EPC2: variants seen among roughly 807,000 people sequenced by gnomAD.
The protein encoded by EPC2 is enhancer of polycomb 2, also known as enhancer of polycomb homolog 2.
EPC2 carries 14 observed loss-of-function variants against 92.1 expected under a neutral mutation model. The ratio of observed to expected loss-of-function variants is 0.15; its 90% CI spans 0.10 to 0.24. The LOEUF (loss-of-function observed/expected upper bound fraction) is 0.24, where lower values mean the gene tolerates loss of function less well. EPC2 is among the 10% of genes least tolerant of loss of function. The pLI, the probability that EPC2 is intolerant of heterozygous loss-of-function variation, is 1.00. For missense variants in EPC2, 755 were observed against 971.5 expected (o/e 0.78, Z 2.96); for synonymous variants, 340 against 334.7 (o/e 1.02, Z -0.17).
chr2:148,769,352 T>C, intron 8 of EPC2, 112 bp downstream of exon 8: 2 of 720,114 alleles, frequency 2.8e-6, no homozygotes, highest in Non-Finnish European at 4.8e-6. Flanking sequence ...GTACTTTTTA[T>C]TTAACATCCT....
At chr2:148,772,837 A>C (rs988231897) in intron 10 of EPC2, among the ~76,000 whole-genome samples, 7 of 152,182 alleles carry the variant, frequency 4.6e-5, no homozygotes, top group Non-Finnish European at 1.0e-4. Context: ...TTTTTCAGCC[A>C]GCTCTAAGAC....
At chr2:148,743,544 G>C (rs1008197015) in intron 2 of EPC2, 78 bp from the exon 3 acceptor site, 2 of 1,166,572 alleles carry the variant, frequency 1.7e-6, no homozygotes, top group African/African-American at 3.2e-5. Context: ...TTTAGAGGTA[G>C]TCTGCAGTCA....
chr2:148,704,908 C>G (rs1487802215), intron 2 of EPC2, among the ~76,000 whole-genome samples: 1 of 144,388 alleles, frequency 6.9e-6, no homozygotes, highest in South Asian at 2.2e-4. Flanking sequence ...TTTTCTTTTT[C>G]TTTTTTTTTT....
Position 148,762,820 on chromosome 2 carries a change from A to G in EPC2, c.948+18A>G. ...AAACTAAGGTGAATATTGTCTGGGA[A>G]GAAGCATGTATGGATGGTAATGTTG... On this transcript the variant is annotated intron_variant, in intron 6 of 13. Transcript: ENST00000258484. 6.3e-7 allele frequency: 1 copy of G among 1,593,492 alleles called. No homozygotes were observed. Among genetic ancestry groups the G allele is most frequent in the Non-Finnish European group, 8.5e-7 (1 of 1,172,048 alleles).
rs949804953 is a variant in EPC2, at chr2:148,770,688, T to C, written c.1231-104T>C. On this transcript the variant is annotated intron_variant, in intron 8 of 13. Coordinates refer to ENST00000258484, the MANE Select transcript of EPC2 (RefSeq NM_015630.4). Reference sequence around the variant, plus strand: ...CAGTTTTATATCTAGATTTTAATTGTTCTGCTAATGTTGCAGTTACTTCAT... The same window carrying C: ...CAGTTTTATATCTAGATTTTAATTGCTCTGCTAATGTTGCAGTTACTTCAT... The C allele has an allele frequency of 4.1e-6, 5 of 1,210,418 alleles. No individual in the cohort carries two copies. In the African/African-American group the frequency reaches 7.8e-5, roughly 19 times the overall value. The allele number at this position is 1,210,418 out of a possible 1,614,324, so 75.0% of individuals were successfully genotyped here.
At chr2:148,734,807 T>C (rs911482148) in intron 2 of EPC2, among the ~76,000 whole-genome samples, 5 of 151,706 alleles carry the variant, frequency 3.3e-5, no homozygotes, top group Non-Finnish European at 7.4e-5. Context: ...TGATTTCTTT[T>C]TTTTTTTTTT....
chr2:148,772,777 T>G (rs763501184), intron 10 of EPC2, among the ~76,000 whole-genome samples: 3 of 152,168 alleles, frequency 2.0e-5, no homozygotes, highest in Non-Finnish European at 4.4e-5. Flanking sequence ...GCTGCAGGAT[T>G]ATTAGAAATC....
intron 2 of EPC2, among the ~76,000 whole-genome samples, chr2:148,742,920 TTATA>T (rs1203335404): frequency 6.6e-6 from 1 of 152,172 alleles, no homozygotes; most frequent in Non-Finnish European, 1.5e-5. Context: ...AGCCTTTTAT[TTATA>T]TAGTACATCT....
At chr2:148,775,863 T>C (rs1266969721) in intron 10 of EPC2, among the ~76,000 whole-genome samples, 14 of 145,296 alleles carry the variant, frequency 9.6e-5, no homozygotes, top group South Asian at 2.2e-4. Flanking sequence ...CTGCAAGCTC[T>C]GCCTCCCGGG....
At chr2:148,647,824 G>A (rs1178607437) in intron 1 of EPC2, among the ~76,000 whole-genome samples, 1 of 151,300 alleles carries the variant, frequency 6.6e-6, no homozygotes. Context: ...GTAGAGACGA[G>A]GTTTCACCGT....
At chr2:148,720,888 C>A (rs748591828) in intron 2 of EPC2, among the ~76,000 whole-genome samples, 18 of 152,176 alleles carry the variant, frequency 1.2e-4, no homozygotes, top group Non-Finnish European at 1.9e-4. Context: ...GCTTTCGTTC[C>A]TCTCCATGAG....
chr2:148,671,287 A>ATT (rs60048357), intron 1 of EPC2, among the ~76,000 whole-genome samples: 3,014 of 127,034 alleles, frequency 0.024, 120 homozygotes, highest in African/African-American at 0.079. Flanking sequence ...GTGGATTGTG[A>ATT]TTTTTTTTTT....
chr2:148,726,416 C>T (rs962118699), intron 2 of EPC2, among the ~76,000 whole-genome samples: 1 of 152,146 alleles, frequency 6.6e-6, no homozygotes, highest in African/African-American at 2.4e-5. Context: ...ACAGTAGTTA[C>T]ATTCTTACCA....
At chr2:148,646,839 CG>C (rs1683812608) in intron 1 of EPC2, among the ~76,000 whole-genome samples, 1 of 151,954 alleles carries the variant, frequency 6.6e-6, no homozygotes, top group Non-Finnish European at 1.5e-5. Context: ...AGGCCGGGCA[CG>C]GTGGGTCACG....
At chr2:148,696,967 A>G (rs1356323866) in intron 2 of EPC2, among the ~76,000 whole-genome samples, 3 of 152,242 alleles carry the variant, frequency 2.0e-5, no homozygotes, top group Non-Finnish European at 2.9e-5. Flanking sequence ...GTTATGGGTA[A>G]AAGATAGTAA....
chr2:148,744,333 C>G (rs1289546335), intron 3 of EPC2, among the ~76,000 whole-genome samples: 4 of 151,994 alleles, frequency 2.6e-5, no homozygotes, highest in African/African-American at 9.7e-5. Context: ...ATAATCTCAT[C>G]TTTTGGAATT....
rs533785611 is a variant in EPC2, at chr2:148,720,884, G to A, written c.314-22738G>A. Among the ~76,000 whole-genome samples the A allele has an allele frequency of 5.9e-5, 9 of 152,084 alleles. 1 individual carries two copies. The South Asian group carries it at 1.7e-3, about 28-fold the overall frequency. On this transcript the variant is annotated intron_variant, in intron 2 of 13. Transcript: ENST00000258484. Reference sequence around the variant, plus strand: ...AGTGCAGTATTCACTCGCCGCTTTCGTTCCTCTCCATGAGCGCCACGGACT... The same window carrying A: ...AGTGCAGTATTCACTCGCCGCTTTCATTCCTCTCCATGAGCGCCACGGACT...
intron 2 of EPC2, among the ~76,000 whole-genome samples, chr2:148,726,705 T>G (rs766424483): frequency 2.6e-5 from 4 of 151,748 alleles, no homozygotes; most frequent in Non-Finnish European, 4.4e-5. Flanking sequence ...TTTAGATCCT[T>G]TGCCCATTTA....
At chr2:148,758,426 C>A (rs1323058946) in intron 4 of EPC2, among the ~76,000 whole-genome samples, 1 of 152,066 alleles carries the variant, frequency 6.6e-6, no homozygotes, top group Non-Finnish European at 1.5e-5. Flanking sequence ...GATGGAGTCT[C>A]ACTCTGTTGC....
Sources: allele counts gnomAD v4.1 joint callset (sites outside exome capture counted in the v4.1 genomes callset), GRCh38; gene constraint gnomAD v4.1.1; transcripts MANE v1.5; gene names NCBI Gene and HGNC (gene_info 2026-07-23, HGNC 2026-07-21).